Variants in MAVS observed in about 807,000 individuals in gnomAD.
MAVS encodes the protein mitochondrial antiviral signaling protein, also known as mitochondrial antiviral-signaling protein.
MAVS carries 20 observed loss-of-function variants against 30.2 expected under a neutral mutation model. The observed-to-expected ratio is 0.66, with a 90% CI of 0.47 to 0.96. MAVS has a LOEUF of 0.96. Among genes scored for constraint, MAVS ranks in the 40% least tolerant of loss-of-function variants. The pLI is 0.00. For missense variants in MAVS, 624 were observed against 701.1 expected (o/e 0.89, Z 1.24); for synonymous variants, 278 against 293.9 (o/e 0.95, Z 0.55).
At chr20:3,854,859 G>GCTGTGTCTT in intron 2 of MAVS, 118 bp downstream of exon 2, 4 of 610,594 alleles carry the variant, frequency 6.6e-6, no homozygotes, top group Non-Finnish European at 1.1e-5. Context: ...TCTTCCTCTT[G>GCTGTGTCTT]CTGTGTCTTG....
At chr20:3,847,221 C>T (rs1016770092) in intron 1 of MAVS, among the ~76,000 whole-genome samples, 2 of 152,164 alleles carry the variant, frequency 1.3e-5, no homozygotes, top group Non-Finnish European at 2.9e-5. Context: ...CCTCCTGCCG[C>T]CCGCGGGCCC....
chr20:3,861,221 C>T (rs2089864287), intron 3 of MAVS, 111 bp from the exon 4 acceptor site: 2 of 1,009,362 alleles, frequency 2.0e-6, no homozygotes, highest in Non-Finnish European at 3.0e-6. Context: ...TGGTCTCGAT[C>T]TGACCTCGTG....
chr20:3,865,663 T>G lies in MAVS; in HGVS notation c.1159-20T>G. The G allele has an allele frequency of 6.3e-7, 1 of 1,581,234 alleles. No homozygotes were observed. Among genetic ancestry groups the G allele is most frequent in the East Asian group, 2.3e-5 (1 of 44,096 alleles). ...CCCTGCCAACCCCAGTCCCTTCCAGTGCTCTCCTTTCTTTCCCAGGAGACC... is the reference window on the plus strand; with the variant it reads ...CCCTGCCAACCCCAGTCCCTTCCAGGGCTCTCCTTTCTTTCCCAGGAGACC... On this transcript the variant is annotated intron_variant, in intron 6 of 6. Transcript: ENST00000428216. The surrounding 1 kb of genome is among the most constrained non-coding windows in gnomAD (Gnocchi z 4.7).
intron 2 of MAVS, among the ~76,000 whole-genome samples, chr20:3,857,309 C>T (rs1352408287): frequency 6.6e-6 from 1 of 152,168 alleles, no homozygotes; most frequent in Non-Finnish European, 1.5e-5. Context: ...TGCTACAGTA[C>T]TTTGCTTCTG....
intron 1 of MAVS, among the ~76,000 whole-genome samples, chr20:3,850,381 T>G (rs1294306979): frequency 1.4e-5 from 2 of 139,908 alleles, no homozygotes; most frequent in African/African-American, 2.7e-5. Flanking sequence ...GCGGATCACC[T>G]GAGGTCGGGA....
At position 3,874,503 on chromosome 20, in the gene MAVS, A is replaced by G; in HGVS notation, c.*8356A>G. 3.2e-6 allele frequency: 1 copy of G among 311,272 alleles called. No homozygotes were observed. The highest frequency in any genetic ancestry group is 5.9e-6 in the Non-Finnish European group (1 of 170,570). 19.3% of individuals were successfully genotyped at this position (311,272 alleles called of 1,614,324 possible). ...CAGGGACTGTGAAATGTTATAGTGG[A>G]AAAAAAGGGAAGGCTCTGGGTGTGC... is the stretch of plus-strand genomic sequence containing the variant. On this transcript the variant is annotated 3_prime_UTR_variant, in exon 7 of 7. Coordinates refer to ENST00000428216, the MANE Select transcript of MAVS (RefSeq NM_020746.5).
chr20:3,864,282 C>G lies in MAVS; in HGVS notation c.652C>G (p.Arg218Gly), dbSNP rs45437096. ...TGCGACCTCCAGCCTCACACCATCC[C>G]GTGGGCCTGTGTCTCCATCTGTCTC... The part of the protein sequence containing the change: ...AGATSSLTPS[R>G]GPVSPSVSFQ... Residue 218 changes from arginine (R) to glycine (G), a missense_variant, in exon 6 of 7, where the codon CGT becomes GGT. By Grantham distance (125) the Arg-to-Gly change is moderately radical (BLOSUM62 -2). Coordinates refer to ENST00000428216, the MANE Select transcript of MAVS (RefSeq NM_020746.5). 13 of 1,611,708 alleles carry G rather than the reference C, an allele frequency of 8.1e-6. No homozygotes were observed. The highest frequency in any genetic ancestry group is 9.3e-6 in the Non-Finnish European group (11 of 1,178,704).
chr20:3,863,061 G>C (rs1422978479), intron 5 of MAVS, among the ~76,000 whole-genome samples: 1 of 152,220 alleles, frequency 6.6e-6, no homozygotes, highest in Non-Finnish European at 1.5e-5. Flanking sequence ...GGAACAGCCA[G>C]GGCCTATAGG....
chr20:3,861,555 C>A (rs1263649116), intron 4 of MAVS, 51 bp downstream of exon 4: 2 of 1,569,344 alleles, frequency 1.3e-6, no homozygotes, highest in Admixed American at 1.8e-5. Flanking sequence ...TCCTATCTGC[C>A]CACTTCTGCC....
At position 3,873,878 on chromosome 20, in the gene MAVS, T is replaced by TA. The variant is rs1357289110; in HGVS notation, c.*7732dup. 1.3e-5 allele frequency: 5 copies of TA among 377,522 alleles called. No individual in the cohort carries two copies. The highest frequency in any genetic ancestry group is 1.9e-5 in the Non-Finnish European group (4 of 215,512). The allele number at this position is 377,522 out of a possible 1,614,324, so 23.4% of individuals were successfully genotyped here. A position where few individuals can be genotyped will look rare whatever the true frequency, so the allele number is the denominator to read the frequency against. On this transcript the variant is annotated 3_prime_UTR_variant, in exon 7 of 7. Transcript: ENST00000428216. The stretch of plus-strand genomic sequence containing the variant: ...GGCAGTATCTACCAAAAGCCGAACA[T>TA]ACGTATAAACTGATCCAGCAGTTCC...
rs1315172400 is a variant in MAVS at position 3,866,621 on chromosome 20, G to C, written c.*474G>C. ...GCCTCCCATCCTGGCAGCCCAGCCT[G>C]AGACCGTTGCATTGAGGCAGGCAGG... On this transcript the variant is annotated 3_prime_UTR_variant, in exon 7 of 7. Transcript: ENST00000428216. 5.6e-6 allele frequency: 2 copies of C among 354,382 alleles called. No individual in the cohort carries two copies. Among genetic ancestry groups the C allele is most frequent in the Admixed American group, 7.7e-5 (2 of 26,066 alleles). 22.0% of individuals were successfully genotyped at this position (354,382 alleles called of 1,614,324 possible).
Position 3,874,277 on chromosome 20 carries a change from G to C in MAVS, c.*8130G>C. On this transcript the variant is annotated 3_prime_UTR_variant, in exon 7 of 7. Transcript: ENST00000428216. ...GCCAGGGGAACAGTTAACAGGGGAG[G>C]GATACTGGGGAGGGGCATCCTGGAG... 7.5e-6 allele frequency: 3 copies of C among 398,506 alleles called. No individual in the cohort carries two copies. Among genetic ancestry groups the C allele is most frequent in the Non-Finnish European group, 1.3e-5 (3 of 226,020 alleles). 24.7% of individuals were successfully genotyped at this position (398,506 alleles called of 1,614,324 possible). A position where few individuals can be genotyped will look rare whatever the true frequency, so the allele number is the denominator to read the frequency against.
intron 1 of MAVS, among the ~76,000 whole-genome samples, chr20:3,852,143 C>A (rs1204667741): frequency 6.6e-6 from 1 of 151,870 alleles, no homozygotes; most frequent in African/African-American, 2.4e-5. Context: ...TACAGGCACC[C>A]GCCAGTACGC....
At chr20:3,859,042 G>A (rs889095705) in intron 3 of MAVS, among the ~76,000 whole-genome samples, 7 of 151,896 alleles carry the variant, frequency 4.6e-5, no homozygotes, top group Non-Finnish European at 1.0e-4. Flanking sequence ...TGAAGCGATC[G>A]GCCTCCCAGA....
intron 3 of MAVS, chr20:3,858,023 C>G: frequency 3.3e-6 from 2 of 604,808 alleles, no homozygotes; most frequent in Non-Finnish European, 5.9e-6. Context: ...TCAGGCCTCT[C>G]TTCTGTAAAA....
intron 1 of MAVS, among the ~76,000 whole-genome samples, chr20:3,849,426 A>C (rs1235351734): frequency 6.6e-6 from 1 of 151,678 alleles, no homozygotes; most frequent in East Asian, 1.9e-4. Context: ...GCTGGTCTCA[A>C]CCTCCTGAGC....
Position 3,867,481 on chromosome 20 carries a change from A to C in MAVS, c.*1334A>C, listed in dbSNP as rs2089918206. 2 of 172,480 alleles carry C rather than the reference A, an allele frequency of 1.2e-5. No homozygotes were observed. Among genetic ancestry groups the C allele is most frequent in the Admixed American group, 1.1e-4 (2 of 18,076 alleles). The allele number at this position is 172,480 out of a possible 1,614,324, so 10.7% of individuals were successfully genotyped here. A position where few individuals can be genotyped will look rare whatever the true frequency, so the allele number is the denominator to read the frequency against. ...GGCGTGGTGGTGCACCTGTCGTCTT[A>C]GCTACTTGGGAGGCTGAGGTGGGAG... On this transcript the variant is annotated 3_prime_UTR_variant, in exon 7 of 7. Transcript: ENST00000428216.
chr20:3,859,074 G>A (rs993663651), intron 3 of MAVS, among the ~76,000 whole-genome samples: 9 of 152,194 alleles, frequency 5.9e-5, no homozygotes, highest in Non-Finnish European at 1.2e-4. Flanking sequence ...ATAGGTGTGA[G>A]CCACCGCGTC....
Position 3,866,438 on chromosome 20 carries a change from T to A in MAVS, c.*291T>A, listed in dbSNP as rs2089909671. The A allele has an allele frequency of 4.2e-6, 2 of 470,782 alleles. No individual in the cohort carries two copies. The highest frequency in any genetic ancestry group is 7.6e-6 in the Non-Finnish European group (2 of 263,696). The allele number at this position is 470,782 out of a possible 1,614,324, so 29.2% of individuals were successfully genotyped here. On this transcript the variant is annotated 3_prime_UTR_variant, in exon 7 of 7. Coordinates refer to ENST00000428216, the MANE Select transcript of MAVS (RefSeq NM_020746.5). ...GCAATCCAGGTTATCATCCATGTCC[T>A]CCAGAGGAGCTTCCTCCTCCAGGCC...
Sources: allele counts gnomAD v4.1 joint callset (sites outside exome capture counted in the v4.1 genomes callset), GRCh38; gene constraint gnomAD v4.1.1; non-coding constraint Gnocchi (gnomAD v3.1); transcripts MANE v1.5; gene names NCBI Gene and HGNC (gene_info 2026-07-23, HGNC 2026-07-21).